The following UBE2G1 variants were observed in gnomAD, a reference collection of about 807,000 sequenced individuals.
UBE2G1 encodes the protein ubiquitin-conjugating enzyme E2 G1.
Under a neutral mutation model 22.7 loss-of-function variants are expected in UBE2G1, and 5 were observed. The ratio of observed to expected loss-of-function variants is 0.22; its 90% CI spans 0.12 to 0.46. The LOEUF (loss-of-function observed/expected upper bound fraction) is 0.46, where lower values mean the gene tolerates loss of function less well. UBE2G1 is among the 20% of genes least tolerant of loss of function. The probability of loss-of-function intolerance (pLI) is 0.99; values close to 1 mark genes in which losing one functional copy is unlikely to be tolerated. For missense variants in UBE2G1, 88 were observed against 203.9 expected (o/e 0.43, Z 3.46); for synonymous variants, 74 against 67.5 (o/e 1.10, Z -0.47).
chr17:4,330,153 G>A (rs183749886), intron 1 of UBE2G1, among the ~76,000 whole-genome samples: 2 of 152,012 alleles, frequency 1.3e-5, no homozygotes, highest in Admixed American at 1.3e-4. Context: ...TACATTCATG[G>A]AAGTGTCTAA....
chr17:4,288,871 T>C (rs890395644), intron 4 of UBE2G1, among the ~76,000 whole-genome samples: 1 of 152,054 alleles, frequency 6.6e-6, no homozygotes, highest in Non-Finnish European at 1.5e-5. Context: ...CAACATGTTG[T>C]ATACAATAAA....
In UBE2G1 at chr17:4,307,008, C is replaced by G; in HGVS notation, c.149+13G>C. 1.9e-6 allele frequency: 3 copies of G among 1,606,372 alleles called. No individual in the cohort carries two copies. Among genetic ancestry groups the G allele is most frequent in the Non-Finnish European group, 2.6e-6 (3 of 1,173,358 alleles). On this transcript the variant is annotated intron_variant, in intron 2 of 5. Transcript: ENST00000396981. ...GAGCTCCATTTTGAAGATGTCAGTT[C>G]CATTATACTTACTAAAGTGTATCTG...
chr17:4,329,207 T>C (rs1436291399), intron 1 of UBE2G1, among the ~76,000 whole-genome samples: 2 of 150,256 alleles, frequency 1.3e-5, no homozygotes, highest in African/African-American at 4.9e-5. Flanking sequence ...AAGACCAGCC[T>C]GGGCAACATG....
At chr17:4,343,670 G>C (rs1055690970) in intron 1 of UBE2G1, among the ~76,000 whole-genome samples, 6 of 150,448 alleles carry the variant, frequency 4.0e-5, no homozygotes, top group African/African-American at 1.5e-4. Flanking sequence ...CTCACTGCAA[G>C]CTCCGCCTCC....
chr17:4,310,541 G>T (rs1211231438), intron 1 of UBE2G1, among the ~76,000 whole-genome samples: 1 of 152,170 alleles, frequency 6.6e-6, no homozygotes, highest in African/African-American at 2.4e-5. Context: ...ACGGCGGGGG[G>T]CAGGGGAGCA....
At chr17:4,340,586 C>T (rs1175116896) in intron 1 of UBE2G1, among the ~76,000 whole-genome samples, 1 of 152,126 alleles carries the variant, frequency 6.6e-6, no homozygotes, top group Non-Finnish European at 1.5e-5. Flanking sequence ...TCGCACTGCA[C>T]TTCTCTCTCC....
At chr17:4,289,101 A>C in intron 4 of UBE2G1, 129 bp downstream of exon 4, 25 of 587,156 alleles carry the variant, frequency 4.3e-5, no homozygotes, top group South Asian at 8.4e-5. Context: ...AACTATGGGA[A>C]GAGATACACA....
rs1216070398 is a variant in UBE2G1 at position 4,345,207 on chromosome 17, T to C, written c.46+21064A>G. Reference sequence around the variant, plus strand: ...CATGACTTTTTTCCAACTTTTATTTTAGATTCAGGGGGTTATTACTTTGTT... The same window carrying C: ...CATGACTTTTTTCCAACTTTTATTTCAGATTCAGGGGGTTATTACTTTGTT... On this transcript the variant is annotated intron_variant, in intron 1 of 5. Coordinates refer to ENST00000396981, the MANE Select transcript of UBE2G1 (RefSeq NM_003342.5). Among the ~76,000 whole-genome samples the C allele has an allele frequency of 5.3e-5, 8 of 152,328 alleles. No homozygotes were observed. In the South Asian group the frequency reaches 1.7e-3, roughly 32 times the overall value.
chr17:4,312,620 T>C (rs1328353177), intron 1 of UBE2G1, among the ~76,000 whole-genome samples: 13 of 134,604 alleles, frequency 9.7e-5, no homozygotes, highest in East Asian at 8.7e-4. Context: ...GGCGTGAACC[T>C]GGGAGGCGGA....
At chr17:4,301,187 CTT>C (rs1969174504) in intron 2 of UBE2G1, among the ~76,000 whole-genome samples, 1 of 152,198 alleles carries the variant, frequency 6.6e-6, no homozygotes, top group Non-Finnish European at 1.5e-5. Flanking sequence ...GTAGCTGTCT[CTT>C]GTCCATTCAT....
In UBE2G1 at chr17:4,366,523, C is replaced by G. The variant is rs1177888886; in HGVS notation, c.-207G>C. 1.6e-5 allele frequency: 7 copies of G among 443,126 alleles called. No individual in the cohort carries two copies. The highest frequency in any genetic ancestry group is 1.0e-4 in the South Asian group (2 of 19,620). 27.4% of individuals were successfully genotyped at this position (443,126 alleles called of 1,614,324 possible). On this transcript the variant is annotated 5_prime_UTR_variant, in exon 1 of 6. Transcript: ENST00000396981. ...TCAGCTCTTTTCACAGCGACTCACG[C>G]CCGGAAGGGGAGGGTGCCCGGGCTG...
intron 1 of UBE2G1, among the ~76,000 whole-genome samples, chr17:4,330,976 CCACACACACACACA>C (rs57051928): frequency 2.5e-3 from 360 of 143,662 alleles, no homozygotes; most frequent in African/African-American, 9.2e-3. Context: ...ACCTTTAAAA[CCACACACACACACA>C]CACACACACA....
intron 4 of UBE2G1, 79 bp downstream of exon 4, chr17:4,289,151 A>G: frequency 4.7e-6 from 6 of 1,290,002 alleles, no homozygotes; most frequent in Non-Finnish European, 5.1e-6. Flanking sequence ...ATTCATGCAT[A>G]CTTACATACA....
rs1171961962 is a variant in UBE2G1, at chr17:4,270,191, A to G, written c.*2363T>C. 1.3e-5 allele frequency: 2 copies of G among 152,558 alleles called. No homozygotes were observed. The highest frequency in any genetic ancestry group is 4.8e-5 in the African/African-American group (2 of 41,446). 9.5% of individuals were successfully genotyped at this position (152,558 alleles called of 1,614,324 possible). On this transcript the variant is annotated 3_prime_UTR_variant, in exon 6 of 6. Coordinates refer to ENST00000396981, the MANE Select transcript of UBE2G1 (RefSeq NM_003342.5). ...AACTAACTGCATTAAAGTGGCACTT[A>G]AAGTTCAAAAATAGTTGTCCCTGAG... is the stretch of plus-strand genomic sequence containing the variant.
intron 3 of UBE2G1, among the ~76,000 whole-genome samples, chr17:4,294,704 G>A (rs928399152): frequency 2.0e-5 from 3 of 152,038 alleles, no homozygotes; most frequent in African/African-American, 7.2e-5. Flanking sequence ...TTGTGCCCAG[G>A]AGTTCAGGAC....
chr17:4,283,433 G>A (rs1301977688), intron 4 of UBE2G1, among the ~76,000 whole-genome samples: 1 of 152,178 alleles, frequency 6.6e-6, no homozygotes, highest in Non-Finnish European at 1.5e-5. Context: ...TGGGGAAGTG[G>A]AGCTTGCTGT....
At chr17:4,360,603 T>C (rs1184663355) in intron 1 of UBE2G1, among the ~76,000 whole-genome samples, 4 of 152,258 alleles carry the variant, frequency 2.6e-5, no homozygotes, top group African/African-American at 9.6e-5. Context: ...ACATATAATG[T>C]GTATTAACAA....
chr17:4,353,531 G>A (rs1290278647), intron 1 of UBE2G1, among the ~76,000 whole-genome samples: 1 of 144,330 alleles, frequency 6.9e-6, no homozygotes, highest in African/African-American at 2.6e-5. Context: ...ACAGAGTCTT[G>A]TTCTGTCACC....
intron 1 of UBE2G1, among the ~76,000 whole-genome samples, chr17:4,324,708 A>G (rs1027848139): frequency 1.3e-5 from 2 of 152,120 alleles, no homozygotes; most frequent in African/African-American, 4.8e-5. Flanking sequence ...ATGAGCCACC[A>G]TGTCCAGCCA....
Sources: gnomAD v4.1 joint callset for allele counts (sites outside exome capture counted in the v4.1 genomes callset) on GRCh38, gnomAD v4.1.1 for gene constraint, MANE v1.5 for transcripts, NCBI Gene and HGNC (gene_info 2026-07-23, HGNC 2026-07-21) for gene names.